OSBPL2: variants seen among roughly 807,000 people sequenced by gnomAD.
The protein encoded by OSBPL2 is oxysterol binding protein like 2, also known as oxysterol-binding protein-related protein 2.
In OSBPL2, 18 loss-of-function variants were observed where a neutral mutation model predicts 58.4. The ratio of observed to expected loss-of-function variants is 0.31; its 90% CI spans 0.21 to 0.46. OSBPL2 has a LOEUF of 0.46. OSBPL2 is among the 20% of genes least tolerant of loss of function. The pLI is 1.00. For synonymous variants in OSBPL2, 221 were observed against 234.1 expected (o/e 0.94, Z 0.51); for missense variants, 461 against 616.5 (o/e 0.75, Z 2.67).
Position 62,261,200 on chromosome 20 carries a change from C to T in OSBPL2, c.182+1075C>T, listed in dbSNP as rs534830398. On this transcript the variant is annotated intron_variant, in intron 3 of 13. Coordinates refer to ENST00000313733, the MANE Select transcript of OSBPL2 (RefSeq NM_144498.4). ...GCGTGGCTGTGCGCATCTGTAGTCC[C>T]GGCTACTCTGGAGGCTGAGGCAGGG... Among the ~76,000 whole-genome samples, 31 of 151,566 alleles carry T rather than the reference C, an allele frequency of 2.0e-4. No homozygotes were observed. In the East Asian group the frequency reaches 3.1e-3, roughly 15 times the overall value.
At chr20:62,278,649 G>T (rs1399331454) in intron 6 of OSBPL2, 1 of 167,104 alleles carries the variant, frequency 6.0e-6, no homozygotes, top group Non-Finnish European at 1.2e-5. Context: ...ATGTTTGTGT[G>T]TGTGTTGCCA....
At chr20:62,247,851 G>T in intron 1 of OSBPL2, among the ~76,000 whole-genome samples, 1 of 151,944 alleles carries the variant, frequency 6.6e-6, no homozygotes, top group African/African-American at 2.4e-5. Flanking sequence ...TTTTAGTAGA[G>T]ATGGAGTTTC....
intron 1 of OSBPL2, among the ~76,000 whole-genome samples, chr20:62,241,987 G>A (rs1205841295): frequency 6.6e-6 from 1 of 152,246 alleles, no homozygotes; most frequent in Non-Finnish European, 1.5e-5. Flanking sequence ...ACACTGAAAG[G>A]AAGTCAGTAT....
At chr20:62,274,065 G>T (rs569516156) in intron 6 of OSBPL2, among the ~76,000 whole-genome samples, 5 of 152,156 alleles carry the variant, frequency 3.3e-5, no homozygotes, top group Non-Finnish European at 2.9e-5. Flanking sequence ...CCTCACAGAC[G>T]TGAGACTGAC....
At chr20:62,273,686 C>CGT (rs200887941) in intron 6 of OSBPL2, among the ~76,000 whole-genome samples, 3 of 152,208 alleles carry the variant, frequency 2.0e-5, no homozygotes, top group East Asian at 3.9e-4. Flanking sequence ...TAGACGCTTC[C>CGT]GTGTGTGTGT....
intron 7 of OSBPL2, chr20:62,279,793 C>A: frequency 3.6e-6 from 1 of 276,318 alleles, no homozygotes; most frequent in Non-Finnish European, 5.5e-6. Flanking sequence ...TGTGTCCTGG[C>A]TCCCCTTCTG....
chr20:62,259,247 A>G (rs571916100), intron 2 of OSBPL2: 1 of 152,254 alleles, frequency 6.6e-6, no homozygotes, highest in Non-Finnish European at 1.5e-5. Flanking sequence ...TCAGACTGAC[A>G]GGAGTTGAAG....
chr20:62,271,315 G>T (rs181079311), intron 4 of OSBPL2, among the ~76,000 whole-genome samples: 41 of 152,282 alleles, frequency 2.7e-4, no homozygotes, highest in African/African-American at 9.9e-4. Context: ...AACTCGGAAG[G>T]CCTTAGGGGA....
intron 6 of OSBPL2, among the ~76,000 whole-genome samples, chr20:62,274,161 G>C (rs1468989186): frequency 1.3e-5 from 2 of 152,162 alleles, no homozygotes; most frequent in African/African-American, 2.4e-5. Context: ...GACTGGTTGG[G>C]GTTCTCTTCA....
In OSBPL2 at chr20:62,292,412, G is replaced by A. The variant is rs558567996; in HGVS notation, c.1340+619G>A. ...AAAATTAAATCCCGTGTGCTGTGCCGTGGCGTCTGTGCACATGGAGGCTGG... is the reference window on the plus strand; with the variant it reads ...AAAATTAAATCCCGTGTGCTGTGCCATGGCGTCTGTGCACATGGAGGCTGG... On this transcript the variant is annotated intron_variant, in intron 13 of 13. Coordinates refer to ENST00000313733, the MANE Select transcript of OSBPL2 (RefSeq NM_144498.4). Among the ~76,000 whole-genome samples the A allele has an allele frequency of 6.6e-5, 10 of 152,364 alleles. No individual in the cohort carries two copies. In the East Asian group the frequency reaches 7.7e-4, roughly 12 times the overall value.
At chr20:62,261,316 C>CAAA (rs11484468) in intron 3 of OSBPL2, among the ~76,000 whole-genome samples, 5 of 85,674 alleles carry the variant, frequency 5.8e-5, no homozygotes, top group African/African-American at 1.1e-4. Context: ...ACTCCATCTC[C>CAAA]AAAAAAAAAA....
chr20:62,291,429 T>A (rs1008181504), intron 12 of OSBPL2: 7 of 449,608 alleles, frequency 1.6e-5, no homozygotes, highest in Non-Finnish European at 2.5e-5. Context: ...TTCAGACTCC[T>A]GCACCCGCAG....
intron 4 of OSBPL2, among the ~76,000 whole-genome samples, chr20:62,266,310 A>G (rs1259625288): frequency 6.6e-6 from 1 of 152,166 alleles, no homozygotes; most frequent in Non-Finnish European, 1.5e-5. Flanking sequence ...CACCCCTTAC[A>G]CTTCACTTTG....
intron 11 of OSBPL2, 49 bp downstream of exon 11, chr20:62,286,760 C>T (rs575185425): frequency 3.8e-5 from 60 of 1,573,990 alleles, no homozygotes; most frequent in South Asian, 4.5e-5. Context: ...ATGTCACACC[C>T]ACCTCTGGGC....
At chr20:62,251,226 T>C (rs1346565916) in intron 1 of OSBPL2, among the ~76,000 whole-genome samples, 1 of 151,266 alleles carries the variant, frequency 6.6e-6, no homozygotes, top group Non-Finnish European at 1.5e-5. Flanking sequence ...CGGCTAATTT[T>C]TTGTTTTTTA....
intron 1 of OSBPL2, among the ~76,000 whole-genome samples, chr20:62,251,903 A>G (rs1215460240): frequency 1.4e-5 from 1 of 69,666 alleles, no homozygotes; most frequent in Non-Finnish European, 2.5e-5. Context: ...TTTTCTGGAG[A>G]CAGGGTCTTG....
chr20:62,248,428 C>G (rs545722705), intron 1 of OSBPL2, among the ~76,000 whole-genome samples: 2 of 152,120 alleles, frequency 1.3e-5, no homozygotes, highest in Non-Finnish European at 2.9e-5. Context: ...AGTGCTGGGA[C>G]TGTAGGCATG....
intron 6 of OSBPL2, among the ~76,000 whole-genome samples, chr20:62,274,683 CAGCACACAG>C (rs1052364288): frequency 2.0e-5 from 3 of 152,186 alleles, no homozygotes; most frequent in Non-Finnish European, 4.4e-5. Context: ...CAGTGGAGCC[CAGCACACAG>C]AGCTCGCTCC....
chr20:62,256,576 G>A (rs1980934898), intron 2 of OSBPL2, among the ~76,000 whole-genome samples: 1 of 152,238 alleles, frequency 6.6e-6, no homozygotes, highest in East Asian at 1.9e-4. Context: ...CCATCAGACA[G>A]CAAACCCCTG....
Sources: allele counts gnomAD v4.1 joint callset (sites outside exome capture counted in the v4.1 genomes callset), GRCh38; gene constraint gnomAD v4.1.1; transcripts MANE v1.5; gene names NCBI Gene and HGNC (gene_info 2026-07-23, HGNC 2026-07-21).